The following GNB5 variants were observed in gnomAD, a reference collection of about 807,000 sequenced individuals.
GNB5 encodes the protein guanine nucleotide-binding protein subunit beta-5.
Under a neutral mutation model 55.3 loss-of-function variants are expected in GNB5, and 37 were observed. The ratio of observed to expected loss-of-function variants is 0.67; its 90% CI spans 0.51 to 0.88. The LOEUF is 0.88. Ranked by LOEUF, GNB5 falls within the 40% of genes least tolerant of loss-of-function variation. The pLI is 0.00. For synonymous variants in GNB5, 219 were observed against 198.5 expected (o/e 1.10, Z -0.87); for missense variants, 476 against 515.3 (o/e 0.92, Z 0.74).
chr15:52,139,133 A>T (rs1207062055), intron 7 of GNB5: 1 of 152,188 alleles, frequency 6.6e-6, no homozygotes, highest in Non-Finnish European at 1.5e-5. Flanking sequence ...ATCATCCATG[A>T]AGCTTTGTGT....
intron 12 of GNB5, 139 bp from the exon 13 acceptor site, chr15:52,122,907 A>C (rs573442192): frequency 2.5e-5 from 15 of 604,548 alleles, no homozygotes; most frequent in East Asian, 3.0e-5. Flanking sequence ...CACACACACA[A>C]ACATACACAC....
At chr15:52,163,359 T>C (rs74015616) in intron 3 of GNB5, among the ~76,000 whole-genome samples, 2,414 of 152,294 alleles carry the variant, frequency 0.016, 55 homozygotes, top group African/African-American at 0.056. Flanking sequence ...GGTGGGGTGA[T>C]GCCAGGGAGC....
intron 1 of GNB5, among the ~76,000 whole-genome samples, chr15:52,190,444 G>C (rs1402850849): frequency 6.6e-6 from 1 of 152,032 alleles, no homozygotes; most frequent in Non-Finnish European, 1.5e-5. Flanking sequence ...ATGGACAAAA[G>C]GCTTGTGTAG....
Position 52,129,932 on chromosome 15 carries a change from G to T in GNB5, c.864-1688C>A, listed in dbSNP as rs570074940. ...AGTTCGTTTTGTTTTGTTTTTCCTGGGCAGGTGGCAGAATGAAAACTATAT... is the reference window on the plus strand; with the variant it reads ...AGTTCGTTTTGTTTTGTTTTTCCTGTGCAGGTGGCAGAATGAAAACTATAT... On this transcript the variant is annotated intron_variant, in intron 9 of 12. Transcript: ENST00000261837. Among the ~76,000 whole-genome samples, 6 of 152,258 alleles carry T rather than the reference G, an allele frequency of 3.9e-5. No individual in the cohort carries two copies. In the East Asian group the frequency reaches 1.2e-3, roughly 29 times the overall value.
chr15:52,164,756 A>C (rs1253016914), intron 3 of GNB5, among the ~76,000 whole-genome samples: 3 of 152,206 alleles, frequency 2.0e-5, no homozygotes, highest in African/African-American at 7.2e-5. Context: ...CAAGATGAGA[A>C]AGAATCAACA....
chr15:52,129,911 C>A (rs567123103), intron 9 of GNB5, among the ~76,000 whole-genome samples: 5 of 152,212 alleles, frequency 3.3e-5, no homozygotes, highest in South Asian at 2.1e-4. Flanking sequence ...AACACTAGTT[C>A]GTTTTGTTTT....
At chr15:52,137,286 T>G in intron 7 of GNB5, 1 of 1,140,238 alleles carries the variant, frequency 8.8e-7, no homozygotes. Context: ...TGAGAAGTGC[T>G]GGGATCCAGG....
At chr15:52,164,211 G>A (rs528924925) in intron 3 of GNB5, among the ~76,000 whole-genome samples, 4 of 151,614 alleles carry the variant, frequency 2.6e-5, no homozygotes, top group South Asian at 2.1e-4. Flanking sequence ...GGGGGGCTGA[G>A]GCAGGAGAAT....
intron 4 of GNB5, among the ~76,000 whole-genome samples, chr15:52,152,351 T>C (rs965105491): frequency 2.0e-5 from 3 of 151,556 alleles, no homozygotes; most frequent in African/African-American, 7.3e-5. Flanking sequence ...AAAAAAACAG[T>C]CTCGCCCTGT....
intron 9 of GNB5, among the ~76,000 whole-genome samples, chr15:52,130,729 T>C (rs1269072605): frequency 6.6e-6 from 1 of 152,242 alleles, no homozygotes; most frequent in Non-Finnish European, 1.5e-5. Flanking sequence ...GGGGGCTTTC[T>C]GGACAGAGGG....
intron 7 of GNB5, among the ~76,000 whole-genome samples, chr15:52,136,172 A>ACACACACACCC (rs1168734914): frequency 2.1e-4 from 21 of 100,112 alleles, no homozygotes; most frequent in South Asian, 6.7e-4. Context: ...ACACACACAC[A>ACACACACACCC]CCCTACCTGC....
chr15:52,117,102 A>ATATATATATATT lies in GNB5; in HGVS notation c.*5654_*5655insAATATATATATA. On this transcript the variant is annotated 3_prime_UTR_variant, in exon 13 of 13. Transcript: ENST00000261837. ...CCACGCCCAGCTAATATATATATAT[A>ATATATATATATT]TTTTTTTTTAGTACAGACAGGGTTT... is the stretch of plus-strand genomic sequence containing the variant. 2.3e-5 allele frequency: 2 copies of ATATATATATATT among 87,100 alleles called. No individual in the cohort carries two copies. The highest frequency in any genetic ancestry group is 4.3e-5 in the Non-Finnish European group (2 of 46,196). The allele number at this position is 87,100 out of a possible 1,614,324, so 5.4% of individuals were successfully genotyped here.
At chr15:52,169,141 T>C (rs1472849431) in intron 3 of GNB5, among the ~76,000 whole-genome samples, 1 of 152,152 alleles carries the variant, frequency 6.6e-6, no homozygotes, top group Non-Finnish European at 1.5e-5. Flanking sequence ...CTGGCCAACA[T>C]GGTGAAACCC....
chr15:52,155,348 G>A (rs2034185278), intron 3 of GNB5, among the ~76,000 whole-genome samples: 1 of 152,192 alleles, frequency 6.6e-6, no homozygotes, highest in African/African-American at 2.4e-5. Flanking sequence ...GGAAGCCTGT[G>A]CCGAGAGGTG....
At chr15:52,123,891 G>A (rs1005721217) in intron 12 of GNB5, among the ~76,000 whole-genome samples, 8 of 150,344 alleles carry the variant, frequency 5.3e-5, no homozygotes, top group South Asian at 2.1e-4. Flanking sequence ...ACTCAACAAG[G>A]TTATGGAGCT....
chr15:52,173,061 G>A (rs897650151), intron 3 of GNB5, among the ~76,000 whole-genome samples: 1 of 152,048 alleles, frequency 6.6e-6, no homozygotes, highest in Non-Finnish European at 1.5e-5. Context: ...ACTGTTGTAG[G>A]AGGGTGATCC....
Position 52,122,586 on chromosome 15 carries a change from C to A in GNB5, c.*171G>T. On this transcript the variant is annotated 3_prime_UTR_variant, in exon 13 of 13. Transcript: ENST00000261837. Reference sequence around the variant, plus strand: ...CTGAAGGCTCACACTAGTGTATTTCCAGAGGTGACAGTTTTAATAGTCATA... The same window carrying A: ...CTGAAGGCTCACACTAGTGTATTTCAAGAGGTGACAGTTTTAATAGTCATA... 1 of 630,060 alleles carries A rather than the reference C, an allele frequency of 1.6e-6. No homozygotes were observed. The highest frequency in any genetic ancestry group is 1.9e-5 in the South Asian group (1 of 51,894). The allele number at this position is 630,060 out of a possible 1,614,324, so 39.0% of individuals were successfully genotyped here. A position where few individuals can be genotyped will look rare whatever the true frequency, so the allele number is the denominator to read the frequency against.
chr15:52,169,231 A>T (rs192831954), intron 3 of GNB5, among the ~76,000 whole-genome samples: 6 of 152,046 alleles, frequency 3.9e-5, no homozygotes, highest in Admixed American at 6.6e-5. Context: ...GAGGCACTTG[A>T]ATCACTTGAA....
intron 3 of GNB5, among the ~76,000 whole-genome samples, chr15:52,170,726 C>T (rs2034539481): frequency 6.7e-6 from 1 of 149,496 alleles, no homozygotes; most frequent in Non-Finnish European, 1.5e-5. Flanking sequence ...AAAAAAAAAA[C>T]CCTCTCAAAC....
Sources: gnomAD v4.1 joint callset for allele counts (sites outside exome capture counted in the v4.1 genomes callset) on GRCh38, gnomAD v4.1.1 for gene constraint, MANE v1.5 for transcripts, NCBI Gene and HGNC (gene_info 2026-07-23, HGNC 2026-07-21) for gene names.